CLIC5: variants seen among roughly 807,000 people sequenced by gnomAD.
The protein encoded by CLIC5 is CLIC family member 5.
CLIC5 carries 20 observed loss-of-function variants against 24.7 expected under a neutral mutation model. The observed-to-expected ratio is 0.81, with a 90% confidence interval of 0.57 to 1.18. The LOEUF is 1.18. Ranked by LOEUF, CLIC5 falls within the 50% of genes most tolerant of loss-of-function variation. The pLI, the probability that CLIC5 is intolerant of heterozygous loss-of-function variation, is 0.00. For missense variants in CLIC5, 341 were observed against 326.1 expected (o/e 1.05, Z -0.35); for synonymous variants, 159 against 135.6 (o/e 1.17, Z -1.20).
chr6:46,003,009 G>A (rs757683790), intron 1 of CLIC5, among the ~76,000 whole-genome samples: 7 of 152,184 alleles, frequency 4.6e-5, no homozygotes, highest in Non-Finnish European at 1.0e-4. Flanking sequence ...CACAAATTCT[G>A]ATGTCAGGGG....
intron 3 of CLIC5, among the ~76,000 whole-genome samples, chr6:45,946,824 C>T (rs1764303831): frequency 6.6e-6 from 1 of 152,234 alleles, no homozygotes; most frequent in Non-Finnish European, 1.5e-5. Flanking sequence ...CTCTGGAATA[C>T]TTGATGGCCT....
intron 1 of CLIC5, among the ~76,000 whole-genome samples, chr6:45,999,060 T>C (rs1434267183): frequency 1.3e-5 from 2 of 152,116 alleles, no homozygotes; most frequent in Admixed American, 6.5e-5. Flanking sequence ...ACCAAGTATA[T>C]TGTAAACTCC....
chr6:46,001,164 G>A (rs530892327), intron 1 of CLIC5, among the ~76,000 whole-genome samples: 31 of 152,298 alleles, frequency 2.0e-4, no homozygotes, highest in African/African-American at 7.0e-4. Flanking sequence ...TTAACTGGGA[G>A]AGGAACCAGA....
intron 1 of CLIC5, chr6:46,014,383 T>G (rs1766917853): frequency 6.6e-6 from 1 of 152,226 alleles, no homozygotes; most frequent in Non-Finnish European, 1.5e-5. Flanking sequence ...TTTTCCCAAT[T>G]CCAGGGAATA....
upstream of CLIC5, among the ~76,000 whole-genome samples, chr6:46,083,984 G>T (rs1231585254): frequency 1.3e-5 from 2 of 152,178 alleles, no homozygotes; most frequent in African/African-American, 4.8e-5. Flanking sequence ...ATATATTTAG[G>T]TTAGTTAGCT....
chr6:46,000,716 G>A (rs1377567854), intron 1 of CLIC5, among the ~76,000 whole-genome samples: 1 of 152,152 alleles, frequency 6.6e-6, no homozygotes, highest in East Asian at 1.9e-4. Context: ...AGACACTTAT[G>A]AAACCATCAG....
At chr6:46,077,529 C>T (rs1432704940) in intron 1 of CLIC5, among the ~76,000 whole-genome samples, 1 of 151,922 alleles carries the variant, frequency 6.6e-6, no homozygotes, top group East Asian at 1.9e-4. Flanking sequence ...TTCACTCAAG[C>T]AGAGAAGGCC....
intron 4 of CLIC5, among the ~76,000 whole-genome samples, chr6:45,940,891 T>G (rs1215627543): frequency 2.0e-5 from 3 of 152,224 alleles, no homozygotes; most frequent in Non-Finnish European, 4.4e-5. Context: ...AATGAAGGAC[T>G]GAAAGTGCTG....
intron 1 of CLIC5, among the ~76,000 whole-genome samples, chr6:46,062,981 A>G (rs1187368224): frequency 6.6e-6 from 1 of 152,224 alleles, no homozygotes. Flanking sequence ...CTCATTGCTG[A>G]AAAATGGTAT....
At chr6:45,957,266 A>G (rs1444882696) in intron 1 of CLIC5, among the ~76,000 whole-genome samples, 2 of 152,206 alleles carry the variant, frequency 1.3e-5, no homozygotes, top group Non-Finnish European at 1.5e-5. Context: ...ATAATAACAT[A>G]TCTATATTGT....
the CLIC5 span, among the ~76,000 whole-genome samples, chr6:46,090,065 T>C: frequency 2.0e-5 from 3 of 152,146 alleles, no homozygotes; most frequent in Non-Finnish European, 2.9e-5. Flanking sequence ...AAAATTTGCT[T>C]CCATTACTTA....
chr6:45,944,231 A>G (rs538644111), intron 3 of CLIC5, among the ~76,000 whole-genome samples: 1 of 152,260 alleles, frequency 6.6e-6, no homozygotes, highest in East Asian at 1.9e-4. Flanking sequence ...AATCAAAAGG[A>G]GGATACTGTT....
chr6:45,924,797 C>A (rs1216253591), intron 4 of CLIC5, among the ~76,000 whole-genome samples: 2 of 151,898 alleles, frequency 1.3e-5, no homozygotes, highest in African/African-American at 4.8e-5. Flanking sequence ...TAGCAATGTG[C>A]CCTATCAAAA....
chr6:45,951,956 T>A (rs1360669764), intron 2 of CLIC5, among the ~76,000 whole-genome samples: 1 of 152,236 alleles, frequency 6.6e-6, no homozygotes, highest in Non-Finnish European at 1.5e-5. Context: ...AAAGTATTTT[T>A]AAAATCTAAT....
intron 6 of CLIC5, among the ~76,000 whole-genome samples, chr6:45,882,481 A>G (rs1762271943): frequency 6.6e-6 from 1 of 151,946 alleles, no homozygotes; most frequent in Non-Finnish European, 1.5e-5. Context: ...TAACCCTGTG[A>G]CTCCAAGCCT....
chr6:45,899,751 A>C lies in CLIC5; in HGVS notation c.*3337T>G, dbSNP rs1762462340. 1 of 152,000 alleles carries C rather than the reference A, an allele frequency of 6.6e-6. No homozygotes were observed. The highest frequency in any genetic ancestry group is 1.5e-5 in the Non-Finnish European group (1 of 68,012). 9.4% of individuals were successfully genotyped at this position (152,000 alleles called of 1,614,324 possible). On this transcript the variant is annotated 3_prime_UTR_variant, in exon 6 of 6. Transcript: ENST00000339561. Reference sequence around the variant, plus strand: ...GGGCCTGGAAAGTCAGCCTGGGAAAACTCGCACTTGGTGTGGCCTTTTTCT... The same window carrying C: ...GGGCCTGGAAAGTCAGCCTGGGAAACCTCGCACTTGGTGTGGCCTTTTTCT...
In CLIC5 at chr6:46,069,446, A is replaced by G. The variant is rs1762528943; in HGVS notation, c.540+10257T>C. 2.0e-5 allele frequency among the ~76,000 whole-genome samples: 3 copies of G among 152,294 alleles called. No homozygotes were observed. The South Asian group carries it at 6.2e-4, about 32-fold the overall frequency. ...ACGATGAACACCCCTATGCACACAAATGAGAAAATCTAGAAGAAAATTGAT... is the reference window on the plus strand; with the variant it reads ...ACGATGAACACCCCTATGCACACAAGTGAGAAAATCTAGAAGAAAATTGAT... On this transcript the variant is annotated intron_variant, in intron 1 of 5. Transcript: ENST00000185206.
At chr6:46,113,325 G>A in the CLIC5 span, among the ~76,000 whole-genome samples, 1 of 152,146 alleles carries the variant, frequency 6.6e-6, no homozygotes, top group Admixed American at 6.6e-5. Context: ...GTAAGAAGTG[G>A]GAAGGAAAGA....
intron 1 of CLIC5, among the ~76,000 whole-genome samples, chr6:46,077,090 C>CA (rs1467346522): frequency 1.4e-3 from 201 of 141,662 alleles, no homozygotes; most frequent in Middle Eastern, 7.2e-3. Flanking sequence ...AACTCCGTCC[C>CA]AAAAAAAAAA....
Sources: allele counts gnomAD v4.1 joint callset (sites outside exome capture counted in the v4.1 genomes callset), GRCh38; gene constraint gnomAD v4.1.1; transcripts MANE v1.5; gene names NCBI Gene and HGNC (gene_info 2026-07-23, HGNC 2026-07-21).